The following MGLL variants were observed in gnomAD, a reference collection of about 807,000 sequenced individuals.
MGLL encodes the protein lysophospholipase homolog.
Under a neutral mutation model 29.1 loss-of-function variants are expected in MGLL, and 7 were observed. The ratio of observed to expected loss-of-function variants is 0.24; its 90% confidence interval spans 0.14 to 0.45. The LOEUF (loss-of-function observed/expected upper bound fraction) is 0.45, where lower values mean the gene tolerates loss of function less well. Ranked by LOEUF, MGLL falls within the 20% of genes least tolerant of loss-of-function variation. The pLI, the probability that MGLL is intolerant of heterozygous loss-of-function variation, is 0.99. For synonymous variants in MGLL, 148 were observed against 168.3 expected (o/e 0.88, Z 0.93); for missense variants, 356 against 413.6 (o/e 0.86, Z 1.21).
At chr3:127,697,367 G>A (rs538055810) in intron 6 of MGLL, among the ~76,000 whole-genome samples, 10 of 152,350 alleles carry the variant, frequency 6.6e-5, no homozygotes, top group African/African-American at 2.2e-4. Context: ...TCTGAGCTCT[G>A]GCTGTCTGCC....
chr3:127,805,926 G>A (rs908785436), intron 2 of MGLL, among the ~76,000 whole-genome samples: 1 of 152,218 alleles, frequency 6.6e-6, no homozygotes, highest in Non-Finnish European at 1.5e-5. Context: ...TAAATAAAAA[G>A]TGGTTACAAA....
At chr3:127,695,758 A>G (rs753637636) in intron 6 of MGLL, among the ~76,000 whole-genome samples, 3 of 152,242 alleles carry the variant, frequency 2.0e-5, no homozygotes, top group Non-Finnish European at 4.4e-5. Flanking sequence ...AAAAATTAAA[A>G]AAAACGAAAG....
At chr3:127,774,762 T>C (rs181542585) in intron 3 of MGLL, among the ~76,000 whole-genome samples, 128 of 152,298 alleles carry the variant, frequency 8.4e-4, no homozygotes, top group Non-Finnish European at 1.4e-3. Context: ...AAATGCACAT[T>C]CTTGGGCCCC....
Position 127,821,633 on chromosome 3 carries a change from A to G in MGLL, c.155+61T>C, listed in dbSNP as rs1321009554. 15 of 1,590,890 alleles carry G rather than the reference A, an allele frequency of 9.4e-6. No homozygotes were observed. In the Admixed American group the frequency reaches 2.5e-4, roughly 27 times the overall value. On this transcript the variant is annotated intron_variant, in intron 2 of 7. Coordinates refer to ENST00000265052, the MANE Select transcript of MGLL (RefSeq NM_007283.7). ...CCCCAGATGGCACATGATAACGACC[A>G]GAGGAGAAGCAGGGGCCATGCTCCC...
At chr3:127,776,262 T>G (rs1414981227) in intron 3 of MGLL, among the ~76,000 whole-genome samples, 2 of 152,106 alleles carry the variant, frequency 1.3e-5, no homozygotes, top group Non-Finnish European at 2.9e-5. Context: ...TGGCCTCCTC[T>G]GCTCAGTGGT....
At chr3:127,767,013 G>T (rs1205505345) in intron 3 of MGLL, among the ~76,000 whole-genome samples, 1 of 152,096 alleles carries the variant, frequency 6.6e-6, no homozygotes. Context: ...AGAGATTGCA[G>T]GTAGGGCCGA....
At chr3:127,701,854 C>G (rs1452516029) in intron 6 of MGLL, among the ~76,000 whole-genome samples, 1 of 152,212 alleles carries the variant, frequency 6.6e-6, no homozygotes, top group East Asian at 1.9e-4. Flanking sequence ...GCCAGCAACC[C>G]TGTTCCTTCT....
rs775974773 is a variant in MGLL, at chr3:127,692,393, G to A, written c.817-70C>T. ...CAGGTGCAGGGAGCGGAGACCGTGG[G>A]CAGTGGGCAGGGGTCTGCAGCATTC... On this transcript the variant is annotated intron_variant, in intron 7 of 7. Coordinates refer to ENST00000265052, the MANE Select transcript of MGLL (RefSeq NM_007283.7). 1.6e-4 allele frequency: 258 copies of A among 1,591,492 alleles called. No individual in the cohort carries two copies. In the Middle Eastern group the frequency reaches 3.9e-3, roughly 24 times the overall value.
At chr3:127,783,255 A>T (rs1394104612) in intron 2 of MGLL, among the ~76,000 whole-genome samples, 4 of 152,250 alleles carry the variant, frequency 2.6e-5, no homozygotes, top group African/African-American at 9.6e-5. Context: ...GTCTCCAGGA[A>T]GCTGCTATAG....
chr3:127,809,286 T>C (rs1179232970), intron 2 of MGLL, among the ~76,000 whole-genome samples: 1 of 152,132 alleles, frequency 6.6e-6, no homozygotes, highest in African/African-American at 2.4e-5. Flanking sequence ...CAGCTCTAGC[T>C]GCAATGCCAC....
intron 3 of MGLL, among the ~76,000 whole-genome samples, chr3:127,740,904 G>A (rs1319882720): frequency 1.3e-5 from 2 of 152,280 alleles, no homozygotes; most frequent in East Asian, 1.9e-4. Flanking sequence ...GGAGTAGAAC[G>A]CCCCCAAAGC....
chr3:127,697,842 C>A (rs1044596904), intron 6 of MGLL, among the ~76,000 whole-genome samples: 1 of 152,188 alleles, frequency 6.6e-6, no homozygotes, highest in African/African-American at 2.4e-5. Flanking sequence ...AGCAGGCTGG[C>A]GGTGCCCTGG....
chr3:127,765,856 A>C (rs572799412), intron 3 of MGLL, among the ~76,000 whole-genome samples: 33 of 152,320 alleles, frequency 2.2e-4, no homozygotes, highest in Non-Finnish European at 4.0e-4. Flanking sequence ...AACTGAAAAA[A>C]AAAGTTTCTC....
intron 2 of MGLL, among the ~76,000 whole-genome samples, chr3:127,801,986 G>A (rs2107737747): frequency 6.6e-6 from 1 of 152,144 alleles, no homozygotes; most frequent in South Asian, 2.1e-4. Context: ...GATTCCTTGA[G>A]AGCTCTGTCT....
In MGLL at chr3:127,742,474, C is replaced by T. The variant is rs369481632; in HGVS notation, c.263-19908G>A. On this transcript the variant is annotated intron_variant, in intron 3 of 7. Transcript: ENST00000265052. The stretch of plus-strand genomic sequence containing the variant: ...GCTTGGTGGTGGGCACCTGTAGTCC[C>T]AGATAGTCAGGAGGCTGAGGCAGGA... Among the ~76,000 whole-genome samples, 163 of 150,632 alleles carry T rather than the reference C, an allele frequency of 1.1e-3. 1 individual carries two copies. The highest frequency in any genetic ancestry group is 3.7e-3 in the African/African-American group (151 of 40,954).
intron 3 of MGLL, among the ~76,000 whole-genome samples, chr3:127,778,508 G>T (rs1040846945): frequency 6.6e-6 from 1 of 152,190 alleles, no homozygotes. Context: ...CTGTTGAGTG[G>T]ACCCTGGACT....
Position 127,758,081 on chromosome 3 carries a change from C to T in MGLL, c.262+23708G>A, listed in dbSNP as rs191606170. On this transcript the variant is annotated intron_variant, in intron 3 of 7. Transcript: ENST00000265052. The stretch of plus-strand genomic sequence containing the variant: ...TCCTCTCACCTCACCTCCTGTCTCC[C>T]GACTGTTCATGAGTCAGGCACCCTC... Among the ~76,000 whole-genome samples the T allele has an allele frequency of 3.7e-3, 560 of 152,274 alleles. 8 individuals are homozygous for T. The highest frequency in any genetic ancestry group is 0.031 in the Admixed American group (476 of 15,302).
chr3:127,801,318 A>AAAT (rs1258864397), intron 2 of MGLL, among the ~76,000 whole-genome samples: 1 of 140,574 alleles, frequency 7.1e-6, no homozygotes, highest in Non-Finnish European at 1.5e-5. Context: ...AAAAAAAAAA[A>AAAT]AAGGAGTGGG....
intron 2 of MGLL, among the ~76,000 whole-genome samples, chr3:127,788,012 C>T (rs1380805256): frequency 2.0e-5 from 3 of 152,052 alleles, no homozygotes; most frequent in Admixed American, 6.5e-5. Context: ...GCTCCTGCAG[C>T]GACAGTGCAC....
Sources: allele counts gnomAD v4.1 joint callset (sites outside exome capture counted in the v4.1 genomes callset), GRCh38; gene constraint gnomAD v4.1.1; transcripts MANE v1.5; gene names NCBI Gene and HGNC (gene_info 2026-07-23, HGNC 2026-07-21).